Variants in RIPK1 observed in about 807,000 individuals in gnomAD.
RIPK1 encodes the protein receptor interacting serine/threonine kinase 1, also known as receptor-interacting serine/threonine-protein kinase 1.
In RIPK1, 27 loss-of-function variants were observed where a neutral mutation model predicts 62.4. That is an observed-to-expected ratio of 0.43 (90% confidence interval 0.32 to 0.60). The LOEUF (loss-of-function observed/expected upper bound fraction) is 0.60. Among genes scored for constraint, RIPK1 ranks in the 20% least tolerant of loss-of-function variants. The probability of loss-of-function intolerance (pLI) is 0.07; values close to 1 mark genes in which losing one functional copy is unlikely to be tolerated. For missense variants in RIPK1, 735 were observed against 831.0 expected (o/e 0.88, Z 1.42); for synonymous variants, 287 against 303.2 (o/e 0.95, Z 0.55).
chr6:3,102,933 T>C (rs939895878), intron 7 of RIPK1, among the ~76,000 whole-genome samples: 20 of 152,198 alleles, frequency 1.3e-4, no homozygotes, highest in Admixed American at 1.1e-3. Flanking sequence ...TTGTTTTACA[T>C]GGTAGCTACA....
intron 7 of RIPK1, among the ~76,000 whole-genome samples, chr6:3,095,646 CATT>C (rs1336153296): frequency 6.6e-6 from 1 of 152,112 alleles, no homozygotes; most frequent in Non-Finnish European, 1.5e-5. Flanking sequence ...GAAAATCTGT[CATT>C]ATAATTTATT....
intron 4 of RIPK1, among the ~76,000 whole-genome samples, chr6:3,081,795 G>A (rs938846251): frequency 2.0e-5 from 3 of 149,508 alleles, no homozygotes; most frequent in Non-Finnish European, 4.4e-5. Context: ...GGGAGGTGGA[G>A]GTTGTGGTGA....
chr6:3,101,036 C>T (rs967870043), intron 7 of RIPK1, among the ~76,000 whole-genome samples: 11 of 152,180 alleles, frequency 7.2e-5, no homozygotes, highest in Non-Finnish European at 1.5e-5. Context: ...CCTGTAATCT[C>T]AGCACTTTGG....
intron 7 of RIPK1, among the ~76,000 whole-genome samples, chr6:3,090,826 A>C (rs12110719): frequency 4.1e-5 from 3 of 72,592 alleles, no homozygotes; most frequent in East Asian, 4.6e-4. Context: ...ACCGCAGCGC[A>C]CCTACCTGCC....
Position 3,105,541 on chromosome 6 carries a change from G to C in RIPK1, c.1066G>C (p.Glu356Gln). The C allele has an allele frequency of 6.2e-7, 1 of 1,605,696 alleles. No individual in the cohort carries two copies. The highest frequency in any genetic ancestry group is 8.5e-7 in the Non-Finnish European group (1 of 1,175,954). The stretch of plus-strand genomic sequence containing the variant: ...GGGACTTGGGATGGGTCCTGTGGAG[G>C]AGTCCTGGTTTGCTCCTTCCCTGGA... Reference protein sequence around the residue: ...SQGLGMGPVEESWFAPSLEHP... With the variant: ...SQGLGMGPVEQSWFAPSLEHP... Residue 356 changes from glutamate (E) to glutamine (Q), a missense_variant, in exon 9 of 11, where the codon GAG becomes CAG. Glu to Gln is a conservative substitution (Grantham distance 29). Around this residue, in one of 2 missense-constraint regions of RIPK1, gnomAD observed 671 missense variants for 726.2 expected, o/e 0.92. Coordinates refer to ENST00000259808, the MANE Select transcript of RIPK1 (RefSeq NM_001354930.2). This position sits in a 1 kb window ranked among gnomAD's most constrained non-coding sequence, Gnocchi z 4.5.
intron 1 of RIPK1, among the ~76,000 whole-genome samples, chr6:3,073,888 C>G (rs9503387): frequency 0.071 from 10,797 of 152,320 alleles, 711 homozygotes; most frequent in African/African-American, 0.18. Flanking sequence ...TCCACCACGA[C>G]TATCGTCTTA....
intron 4 of RIPK1, among the ~76,000 whole-genome samples, chr6:3,082,107 C>T (rs1759421213): frequency 1.3e-5 from 2 of 151,976 alleles, no homozygotes; most frequent in Admixed American, 1.3e-4. Context: ...TAATTGGCTT[C>T]TGCAGCAGGA....
upstream of RIPK1, chr6:3,068,470 G>T: frequency 1.0e-6 from 1 of 985,360 alleles, no homozygotes; most frequent in East Asian, 1.1e-4. Context: ...AAGGGCCGGG[G>T]CAGGGGGAGG....
upstream of RIPK1, among the ~76,000 whole-genome samples, chr6:3,066,177 C>T (rs1420634835): frequency 2.0e-5 from 3 of 152,182 alleles, no homozygotes; most frequent in African/African-American, 7.2e-5. Context: ...GCATGCACCA[C>T]CACGCCCAGC....
intron 7 of RIPK1, among the ~76,000 whole-genome samples, chr6:3,103,870 G>A (rs988421134): frequency 7.9e-5 from 12 of 152,232 alleles, no homozygotes; most frequent in South Asian, 2.1e-4. Context: ...TTCCCCCATC[G>A]AATGCTCTTG....
intron 1 of RIPK1, among the ~76,000 whole-genome samples, chr6:3,074,751 G>A (rs981156481): frequency 2.0e-5 from 3 of 151,786 alleles, no homozygotes; most frequent in Non-Finnish European, 4.4e-5. Context: ...ATGCGATCTC[G>A]GCTCACTGCA....
intron 7 of RIPK1, among the ~76,000 whole-genome samples, chr6:3,096,707 C>T (rs1048489574): frequency 1.1e-4 from 16 of 150,052 alleles, no homozygotes; most frequent in Non-Finnish European, 1.9e-4. Flanking sequence ...CTACAGGCGC[C>T]CACCACCACA....
chr6:3,110,942 C>T lies in RIPK1; in HGVS notation c.1716C>T (p.Tyr572=). 1 of 1,611,492 alleles carries T rather than the reference C, an allele frequency of 6.2e-7. No homozygotes were observed. Among genetic ancestry groups the T allele is most frequent in the Non-Finnish European group, 8.5e-7 (1 of 1,179,020 alleles). Residue 572 remains tyrosine (Y), a synonymous_variant, in exon 10 of 11, where the codon TAC becomes TAT. Coordinates refer to ENST00000259808, the MANE Select transcript of RIPK1 (RefSeq NM_001354930.2). The part of the protein sequence containing the change: ...TNFKEEPAAK[Y]QAIFDNTTSL... Reference sequence around the variant, plus strand: ...TCAAAGAAGAGCCAGCTGCTAAGTACCAAGCTATCTTTGGTAAGATACCCT... The same window carrying T: ...TCAAAGAAGAGCCAGCTGCTAAGTATCAAGCTATCTTTGGTAAGATACCCT...
chr6:3,072,192 A>G lies in RIPK1; in HGVS notation c.-61+3531A>G, dbSNP rs947404122. The stretch of plus-strand genomic sequence containing the variant: ...ATTTGATCCCTCAGAGTAAAGAAAT[A>G]CTGAGTCAAGGAATTATTCCTTTCA... On this transcript the variant is annotated intron_variant, in intron 1 of 10. Transcript: ENST00000259808. This position sits in a 1 kb window ranked among gnomAD's most constrained non-coding sequence, Gnocchi z 5.6. 1.3e-5 allele frequency among the ~76,000 whole-genome samples: 2 copies of G among 152,216 alleles called. No homozygotes were observed. The highest frequency in any genetic ancestry group is 2.9e-5 in the Non-Finnish European group (2 of 68,050).
At chr6:3,090,741 G>A (rs1459226811) in intron 7 of RIPK1, among the ~76,000 whole-genome samples, 3 of 151,982 alleles carry the variant, frequency 2.0e-5, no homozygotes, top group Admixed American at 1.3e-4. Context: ...CACAGGATAC[G>A]CTGCACCTAA....
chr6:3,108,074 T>C (rs1429911689), intron 9 of RIPK1, among the ~76,000 whole-genome samples: 1 of 151,840 alleles, frequency 6.6e-6, no homozygotes, highest in African/African-American at 2.4e-5. Flanking sequence ...TAATTTGCCA[T>C]ACCATAGAAG....
chr6:3,088,323 C>T (rs17513139), intron 6 of RIPK1, among the ~76,000 whole-genome samples: 18,149 of 152,206 alleles, frequency 0.12, 2,772 homozygotes, highest in African/African-American at 0.35. Context: ...AGAGTCCACA[C>T]GGTCCCCACT....
chr6:3,081,796 GT>G (rs1206748814), intron 4 of RIPK1, among the ~76,000 whole-genome samples: 2 of 149,150 alleles, frequency 1.3e-5, no homozygotes. Flanking sequence ...GGAGGTGGAG[GT>G]TGTGGTGAGC....
At chr6:3,096,863 ATTTTG>A (rs112448743) in intron 7 of RIPK1, among the ~76,000 whole-genome samples, 17 of 140,654 alleles carry the variant, frequency 1.2e-4, no homozygotes, top group East Asian at 2.2e-4. Flanking sequence ...CCAGCCAAGT[ATTTTG>A]TTTTGTTTTG....
Sources: allele counts gnomAD v4.1 joint callset (sites outside exome capture counted in the v4.1 genomes callset), GRCh38; gene constraint gnomAD v4.1.1; regional missense constraint gnomAD v4.1.1; non-coding constraint Gnocchi (gnomAD v3.1); transcripts MANE v1.5; gene names NCBI Gene and HGNC (gene_info 2026-07-23, HGNC 2026-07-21).